Variants in PTPN22 observed in about 807,000 individuals in gnomAD.
The protein encoded by PTPN22 is tyrosine-protein phosphatase non-receptor type 22.
In PTPN22, 85 loss-of-function variants were observed where a neutral mutation model predicts 103.3. The observed-to-expected ratio is 0.82, with a 90% CI of 0.69 to 0.99. The LOEUF (loss-of-function observed/expected upper bound fraction) is 0.99, where lower values mean the gene tolerates loss of function less well. Among genes scored for constraint, PTPN22 ranks in the 50% least tolerant of loss-of-function variants. PTPN22 has a pLI of 0.00. For synonymous variants in PTPN22, 323 were observed against 310.2 expected, an observed-to-expected ratio of 1.04 and a Z score of -0.43; for missense variants, 865 against 936.9, an observed-to-expected ratio of 0.92 and a Z score of 1.00.
Position 113,838,559 on chromosome 1 carries a change from G to A in PTPN22, c.977C>T (p.Pro326Leu), listed in dbSNP as rs141632902. Residue 326 changes from proline (P) to leucine (L), a missense_variant, in exon 12 of 21, where the codon CCT becomes CTT. This residue lies in a region of PTPN22 where 457 missense variants were observed against 529.1 expected (regional missense o/e 0.86). Transcript: ENST00000359785. ...TTGTACTCACCTTTTTGGTAAATTAGGAGAATAAGAGTCTGCTTGGAGAGT... is the reference window on the plus strand; with the variant it reads ...TTGTACTCACCTTTTTGGTAAATTAAGAGAATAAGAGTCTGCTTGGAGAGT... 33 of 1,612,428 alleles carry A rather than the reference G, an allele frequency of 2.0e-5. No individual in the cohort carries two copies. Among genetic ancestry groups the A allele is most frequent in the Non-Finnish European group, 2.8e-5 (33 of 1,179,672 alleles).
intron 18 of PTPN22, among the ~76,000 whole-genome samples, chr1:113,828,825 C>T (rs371553304): frequency 8.6e-5 from 13 of 151,874 alleles, no homozygotes; most frequent in African/African-American, 2.4e-4. Context: ...TTGGTAGAGA[C>T]GGGGTTTTGC....
chr1:113,838,270 G>A lies in PTPN22; in HGVS notation c.1130C>T (p.Ser377Phe), dbSNP rs549987696. The change falls in exon 13 of 21, where the codon TCT (serine) becomes TTT (phenylalanine). Residue 377 changes from serine (S) to phenylalanine (F), a missense_variant. Around this residue, in one of 3 missense-constraint regions of PTPN22, gnomAD observed 457 missense variants for 529.1 expected, o/e 0.86. Transcript: ENST00000359785. ...GTAATTTAGCTCCAGAAAGTCAAAA[G>A]AAGTGCTTGATTTAGCAGGGTGCAA... 1.9e-6 allele frequency: 3 copies of A among 1,614,056 alleles called. No homozygotes were observed. The South Asian group carries it at 3.3e-5, about 18-fold the overall frequency.
exon 19 of PTPN22, chr1:113,825,149 C>A: frequency 6.6e-7 from 1 of 1,509,076 alleles, no homozygotes; most frequent in African/African-American, 1.4e-5. Context: ...TACTCTTTTT[C>A]ATGTTTCGCA....
At chr1:113,837,640 T>C in exon 13 of PTPN22, 1 of 1,603,554 alleles carries the variant, frequency 6.2e-7, no homozygotes, top group Non-Finnish European at 8.5e-7. Context: ...GGTTGGAGAA[T>C]TCAGTGATAA....
intron 1 of PTPN22, among the ~76,000 whole-genome samples, chr1:113,869,925 A>G (rs910264012): frequency 6.6e-6 from 1 of 152,144 alleles, no homozygotes; most frequent in Admixed American, 6.6e-5. Flanking sequence ...TTTTCATAGT[A>G]CCACAAGATT....
chr1:113,848,525 T>C lies in PTPN22; in HGVS notation c.915+15A>G. 6.2e-7 allele frequency: 1 copy of C among 1,610,704 alleles called. No individual in the cohort carries two copies. Reference sequence around the variant, plus strand: ...ATGAAAATTTTTTTGACATAATATCTAGTTTAAATTTTACCTCTGTTCCAG... The same window carrying C: ...ATGAAAATTTTTTTGACATAATATCCAGTTTAAATTTTACCTCTGTTCCAG... On this transcript the variant is annotated intron_variant, in intron 11 of 20. Coordinates refer to ENST00000359785, the Ensembl canonical transcript of PTPN22.
At chr1:113,821,054 T>A (rs1426048409) in intron 19 of PTPN22, among the ~76,000 whole-genome samples, 1 of 151,848 alleles carries the variant, frequency 6.6e-6, no homozygotes, top group Non-Finnish European at 1.5e-5. Flanking sequence ...ATACTTACTA[T>A]GTGCTAAGCA....
intron 19 of PTPN22, among the ~76,000 whole-genome samples, chr1:113,820,194 C>G (rs1337598752): frequency 6.6e-6 from 1 of 151,800 alleles, no homozygotes; most frequent in African/African-American, 2.4e-5. Flanking sequence ...TGACTCACGC[C>G]TGTAATCCCA....
At chr1:113,855,617 T>C (rs1490928410) in intron 7 of PTPN22, among the ~76,000 whole-genome samples, 1 of 151,964 alleles carries the variant, frequency 6.6e-6, no homozygotes, top group East Asian at 1.9e-4. Flanking sequence ...TCCGGCATAC[T>C]AAGTTGTATC....
chr1:113,865,346 A>G (rs1373556571), intron 1 of PTPN22, among the ~76,000 whole-genome samples: 1 of 152,216 alleles, frequency 6.6e-6, no homozygotes, highest in African/African-American at 2.4e-5. Context: ...TACCTGATAC[A>G]GTTTAAGTAC....
chr1:113,845,329 C>T (rs1003087973), intron 11 of PTPN22, among the ~76,000 whole-genome samples: 2 of 151,306 alleles, frequency 1.3e-5, no homozygotes, highest in African/African-American at 2.4e-5. Flanking sequence ...CAGCCTCCCA[C>T]GTAACTGGGA....
chr1:113,824,734 T>C (rs1160648208), intron 19 of PTPN22, among the ~76,000 whole-genome samples: 9 of 151,954 alleles, frequency 5.9e-5, no homozygotes, highest in Admixed American at 5.9e-4. Context: ...TGCAGTGGCT[T>C]ATGCCTGTAA....
rs1167835923 is a variant in PTPN22, at chr1:113,859,087, C to A, written c.197-9G>T. On this transcript the variant is annotated splice_polypyrimidine_tract_variant and intron_variant, in intron 2 of 20. Transcript: ENST00000359785. Reference sequence around the variant, plus strand: ...TACCCGGCTATAATCATCTATAATACAAAAGACAGACATAGTACAATTAAG... The same window carrying A: ...TACCCGGCTATAATCATCTATAATAAAAAAGACAGACATAGTACAATTAAG... 1 of 1,612,840 alleles carries A rather than the reference C, an allele frequency of 6.2e-7. No homozygotes were observed. Among genetic ancestry groups the A allele is most frequent in the South Asian group, 1.1e-5 (1 of 90,872 alleles).
chr1:113,871,034 T>TA (rs780677351), intron 1 of PTPN22, among the ~76,000 whole-genome samples: 29 of 151,848 alleles, frequency 1.9e-4, no homozygotes, highest in Non-Finnish European at 3.7e-4. Flanking sequence ...TTCTGAATCT[T>TA]AAAAAAACAA....
intron 10 of PTPN22, 89 bp downstream of exon 10, chr1:113,851,938 G>T (rs1664603634): frequency 3.3e-6 from 3 of 900,884 alleles, no homozygotes; most frequent in South Asian, 3.6e-5. Flanking sequence ...TGTTATATCT[G>T]AGCAGTCAGC....
At chr1:113,864,208 T>G in intron 1 of PTPN22, 1 of 448,040 alleles carries the variant, frequency 2.2e-6, no homozygotes, top group South Asian at 1.6e-5. Context: ...AATAGAAGAT[T>G]TGATCTATTC....
chr1:113,835,991 A>T (rs959568458), intron 13 of PTPN22, among the ~76,000 whole-genome samples: 1 of 152,114 alleles, frequency 6.6e-6, no homozygotes, highest in Admixed American at 6.5e-5. Context: ...GCAGATGCTC[A>T]GAGAAGTTTA....
intron 19 of PTPN22, chr1:113,823,498 A>G (rs2101891052): frequency 6.6e-6 from 1 of 152,342 alleles, no homozygotes; most frequent in Non-Finnish European, 1.5e-5. Flanking sequence ...CCAGAGGATC[A>G]AGGTAACTGA....
At chr1:113,834,819 C>A in intron 14 of PTPN22, 91 bp downstream of exon 14, 1 of 1,055,022 alleles carries the variant, frequency 9.5e-7, no homozygotes, top group Non-Finnish European at 1.4e-6. Context: ...ACTCAAGGCT[C>A]ACACATCAGC....
Sources: gnomAD v4.1 joint callset for allele counts (sites outside exome capture counted in the v4.1 genomes callset) on GRCh38, gnomAD v4.1.1 for gene constraint, gnomAD v4.1.1 regional missense constraint, MANE v1.5 for transcripts, NCBI Gene and HGNC (gene_info 2026-07-23, HGNC 2026-07-21) for gene names.